The following LILRB5 variants were observed in gnomAD, a reference collection of about 807,000 sequenced individuals.
LILRB5 encodes leukocyte immunoglobulin-like receptor subfamily B member 5.
Under a neutral mutation model 68.4 loss-of-function variants are expected in LILRB5, and 61 were observed. That is an observed-to-expected ratio of 0.89 (90% CI 0.73 to 1.10). The LOEUF is 1.10. LILRB5 is among the 50% of genes least tolerant of loss of function. LILRB5 has a pLI of 0.00. For synonymous variants in LILRB5, 356 were observed against 315.8 expected, an observed-to-expected ratio of 1.13 and a Z score of -1.35; for missense variants, 771 against 751.6, an observed-to-expected ratio of 1.03 and a Z score of -0.30.
Position 54,254,959 on chromosome 19 carries a change from C to T in LILRB5, c.1031G>A (p.Cys344Tyr), listed in dbSNP as rs148536360. ...VASGENVTLLCQSWHQIDTFF... is the reference protein window; with the variant it reads ...VASGENVTLLYQSWHQIDTFF... The stretch of plus-strand genomic sequence containing the variant: ...AGTGTCTATCTGATGCCATGACTGA[C>T]ACAGCAGGGTCACGTTCTCTCCTGA... Residue 344 changes from cysteine (C) to tyrosine (Y), a missense_variant, in exon 6 of 13, where the codon TGT (cysteine) becomes TAT (tyrosine). By Grantham distance (194) the Cys-to-Tyr change is radical. Transcript: ENST00000449561. 6.7e-5 allele frequency: 108 copies of T among 1,614,032 alleles called. 1 individual carries two copies. In the African/African-American group the frequency reaches 1.3e-3, roughly 20 times the overall value.
intron 7 of LILRB5, 44 bp from the exon 8 acceptor site, chr19:54,254,112 C>T (rs779725229): frequency 1.3e-6 from 2 of 1,569,618 alleles, no homozygotes; most frequent in Non-Finnish European, 1.7e-6. Flanking sequence ...GCCCTGCTCC[C>T]CACATCAGCC....
rs765194070 is a variant in LILRB5 at position 54,255,010 on chromosome 19, G to A, written c.980C>T (p.Ser327Leu). The A allele has an allele frequency of 2.5e-6, 4 of 1,611,244 alleles. No homozygotes were observed. Among genetic ancestry groups the A allele is most frequent in the South Asian group, 2.2e-5 (2 of 90,832 alleles). Residue 327 changes from serine to leucine, a missense_variant, in exon 6 of 13, where the codon TCG (serine) becomes TTG (leucine). Transcript: ENST00000449561. The stretch of plus-strand genomic sequence containing the variant: ...GGCCACCTTGGGGCCCGGCTGCACC[G>A]AGAGGGCGGGTATGTCAGGGATCAG... Reference protein sequence around the residue: ...AGLIPDIPALSVQPGPKVASG... With the variant: ...AGLIPDIPALLVQPGPKVASG...
chr19:54,256,262 T>C lies in LILRB5; in HGVS notation c.436A>G (p.Thr146Ala), dbSNP rs371528065. The change falls in exon 4 of 13, where the codon ACA becomes GCA. Residue 146 changes from threonine to alanine, a missense_variant. Coordinates refer to ENST00000449561, the MANE Select transcript of LILRB5 (RefSeq NM_001081442.3). Reference sequence around the variant, plus strand: ...ACAAACGTGAGAAGTCCGTCCAGTGTATCACACTGGAGGGTCACATTTCCT... The same window carrying C: ...ACAAACGTGAGAAGTCCGTCCAGTGCATCACACTGGAGGGTCACATTTCCT... ...SGGNVTLQCD[T>A]LDGLLTFVLV... 2.5e-6 allele frequency: 4 copies of C among 1,613,786 alleles called. No individual in the cohort carries two copies. The African/African-American group carries it at 5.3e-5, about 22-fold the overall frequency.
intron 8 of LILRB5, 82 bp from the exon 9 acceptor site, chr19:54,253,069 CT>C (rs200109248): frequency 0.017 from 13,283 of 787,972 alleles, 161 homozygotes; most frequent in Non-Finnish European, 0.021. Flanking sequence ...TAGGTCTTTC[CT>C]TCATGAGCTC....
chr19:54,255,810 C>A (rs2079121708), intron 4 of LILRB5: 1 of 665,796 alleles, frequency 1.5e-6, no homozygotes, highest in Admixed American at 3.0e-5. Flanking sequence ...CATTGAGGGA[C>A]AGGAAATTGC....
At chr19:54,255,737 T>A in intron 4 of LILRB5, 155 bp from the exon 5 acceptor site, 1 of 954,956 alleles carries the variant, frequency 1.0e-6, no homozygotes, top group Non-Finnish European at 1.5e-6. Context: ...TGTCTTGGAG[T>A]AGTTCCAGAC....
At chr19:54,257,096 A>G in intron 1 of LILRB5, 64 bp downstream of exon 1, 1 of 1,613,912 alleles carries the variant, frequency 6.2e-7, no homozygotes, top group Non-Finnish European at 8.5e-7. Context: ...GATAGACCAG[A>G]GCCTCGCTTT....
chr19:54,254,624 C>A, intron 6 of LILRB5, 111 bp downstream of exon 6: 1 of 1,401,902 alleles, frequency 7.1e-7, no homozygotes, highest in Non-Finnish European at 9.9e-7. Context: ...GGCTGAGCCC[C>A]CCTCAAACCC....
At chr19:54,253,779 C>T in intron 8 of LILRB5, 1 of 1,406,528 alleles carries the variant, frequency 7.1e-7, no homozygotes, top group East Asian at 2.5e-5. Flanking sequence ...TGCCCCAAAC[C>T]ACGGCCCTGC....
rs1173524849 is a variant in LILRB5 at position 54,256,126 on chromosome 19, C to T, written c.572G>A (p.Trp191Ter). The T allele has an allele frequency of 6.2e-7, 1 of 1,608,988 alleles. No homozygotes were observed. Among genetic ancestry groups the T allele is most frequent in the South Asian group, 1.1e-5 (1 of 90,600 alleles). ...GTAATAGTAATAGCATCTGAACCTC[C>T]ACCTGCAGCTGGGGGTCACGGGACC... ...PVGPVTPSCR[W>*]RFRCYYYYRK... is the part of the protein sequence containing the mutation. Residue 191 changes from tryptophan (W) to a stop codon, truncating the protein, a stop_gained, in exon 4 of 13, where the codon TGG becomes TAG. Coordinates refer to ENST00000449561, the MANE Select transcript of LILRB5 (RefSeq NM_001081442.3). LOFTEE classifies it high-confidence loss of function.
intron 12 of LILRB5, chr19:54,251,448 C>T: frequency 1.8e-6 from 1 of 556,870 alleles, no homozygotes; most frequent in South Asian, 2.0e-5. Context: ...CCTGCAGGGG[C>T]TCGTCCATCA....
In LILRB5 at chr19:54,249,668, G is replaced by A. The variant is rs930005325; in HGVS notation, c.*1118C>T. On this transcript the variant is annotated 3_prime_UTR_variant, in exon 13 of 13. Transcript: ENST00000449561. Reference sequence around the variant, plus strand: ...AAAACGATGTCTAGCAATAGCCCAAGAGGTGAGTAGCTGAACATTTTATAG... The same window carrying A: ...AAAACGATGTCTAGCAATAGCCCAAAAGGTGAGTAGCTGAACATTTTATAG... 1.3e-4 allele frequency: 20 copies of A among 152,362 alleles called. No individual in the cohort carries two copies. Among genetic ancestry groups the A allele is most frequent in the African/African-American group, 4.8e-4 (20 of 41,586 alleles). The allele number at this position is 152,362 out of a possible 1,614,324, so 9.4% of individuals were successfully genotyped here.
intron 8 of LILRB5, 30 bp downstream of exon 8, chr19:54,253,988 C>T (rs1200571851): frequency 1.9e-6 from 3 of 1,571,504 alleles, no homozygotes; most frequent in Non-Finnish European, 2.6e-6. Flanking sequence ...CTGGTCTCCG[C>T]CCACCTCCCA....
intron 6 of LILRB5, 103 bp downstream of exon 6, chr19:54,254,632 C>T (rs769024816): frequency 2.1e-5 from 30 of 1,455,034 alleles, no homozygotes; most frequent in African/African-American, 2.0e-4. Context: ...CCCCCTCAAA[C>T]CCTCCCCCCC....
In LILRB5 at chr19:54,252,469, T is replaced by A; in HGVS notation, c.1538+17A>T. 1.2e-6 allele frequency: 2 copies of A among 1,614,014 alleles called. No individual in the cohort carries two copies. On this transcript the variant is annotated intron_variant, in intron 10 of 12. Coordinates refer to ENST00000449561, the MANE Select transcript of LILRB5 (RefSeq NM_001081442.3). Reference sequence around the variant, plus strand: ...TGTGCGGGTGGATGGGAGTCTTGGGTCTTCATGCAGAATTACCTCTTCTGC... The same window carrying A: ...TGTGCGGGTGGATGGGAGTCTTGGGACTTCATGCAGAATTACCTCTTCTGC...
At chr19:54,254,154 A>G in intron 7 of LILRB5, 86 bp from the exon 8 acceptor site, 2 of 1,537,148 alleles carry the variant, frequency 1.3e-6, no homozygotes, top group Non-Finnish European at 1.8e-6. Context: ...GGGCCCCAAC[A>G]CCCAACATCT....
In LILRB5 at chr19:54,256,622, T is replaced by G. The variant is rs1223779208; in HGVS notation, c.222A>C (p.Pro74=). The G allele has an allele frequency of 6.2e-7, 1 of 1,614,046 alleles. No homozygotes were observed. Among genetic ancestry groups the G allele is most frequent in the South Asian group, 1.1e-5 (1 of 91,084 alleles). The change falls in exon 3 of 13, where the codon CCA becomes CCC. Residue 74 remains proline (P), a synonymous_variant. Transcript: ENST00000449561. The part of the protein sequence containing the change: ...GLPWARKRQN[P]LEPGAKAKFH... ...ACTTGGCCTTGGCTCCAGGCTCCAG[T>G]GGGTTCTGTCTCTTCCGGGCCCATG... is the stretch of plus-strand genomic sequence containing the variant.
rs552796597 is a variant in LILRB5, at chr19:54,257,263, A to G, written c.-70T>C. ...ACGGTGCCTGGCAGGACACAAAAAC[A>G]CGCAGAGTGTGGACTGGAGGCTGGG... On this transcript the variant is annotated 5_prime_UTR_variant, in exon 1 of 13. Transcript: ENST00000449561. 10 of 1,597,968 alleles carry G rather than the reference A, an allele frequency of 6.3e-6. No homozygotes were observed. The South Asian group carries it at 7.7e-5, about 12-fold the overall frequency.
intron 2 of LILRB5, 77 bp from the exon 3 acceptor site, chr19:54,256,850 G>A: frequency 6.2e-7 from 1 of 1,607,684 alleles, no homozygotes; most frequent in Non-Finnish European, 8.5e-7. Context: ...GGACCCTCCA[G>A]ACGTCCCCAT....
Sources: allele counts gnomAD v4.1 joint callset, GRCh38; gene constraint gnomAD v4.1.1; transcripts MANE v1.5; gene names NCBI Gene and HGNC (gene_info 2026-07-23, HGNC 2026-07-21).